Variants in THSD7B observed in about 807,000 individuals in gnomAD.
The protein encoded by THSD7B is thrombospondin type 1 domain containing 7B.
THSD7B carries 138 observed loss-of-function variants against 213.6 expected under a neutral mutation model. The observed-to-expected ratio is 0.65, with a 90% CI of 0.56 to 0.74. THSD7B has a LOEUF of 0.74. Ranked by LOEUF, THSD7B falls within the 30% of genes least tolerant of loss-of-function variation. The pLI is 0.00. For synonymous variants in THSD7B, 742 were observed against 687.0 expected (o/e 1.08, Z -1.25); for missense variants, 1,931 against 1,991.5 (o/e 0.97, Z 0.58).
chr2:137,292,085 C>A (rs1683351986), intron 12 of THSD7B, among the ~76,000 whole-genome samples: 1 of 152,038 alleles, frequency 6.6e-6, no homozygotes, highest in Non-Finnish European at 1.5e-5. Flanking sequence ...GCTTCTAGAA[C>A]CAGAAGGGAA....
chr2:137,583,731 G>A (rs1175788005), intron 17 of THSD7B, among the ~76,000 whole-genome samples: 4 of 152,100 alleles, frequency 2.6e-5, no homozygotes, highest in Non-Finnish European at 5.9e-5. Flanking sequence ...ATGCTGTTTT[G>A]GTTACTGTAG....
intron 21 of THSD7B, among the ~76,000 whole-genome samples, chr2:137,645,182 G>T (rs573302424): frequency 6.6e-6 from 1 of 152,274 alleles, no homozygotes; most frequent in East Asian, 1.9e-4. Context: ...GCAGGAAGTA[G>T]ATAAGTTAAA....
intron 5 of THSD7B, among the ~76,000 whole-genome samples, chr2:137,159,146 T>C (rs1679962671): frequency 6.6e-6 from 1 of 152,004 alleles, no homozygotes. Context: ...AAGAGTCTCC[T>C]GGCGGCCAGG....
At chr2:137,597,644 A>C in intron 17 of THSD7B, among the ~76,000 whole-genome samples, 1 of 152,116 alleles carries the variant, frequency 6.6e-6, no homozygotes, top group Non-Finnish European at 1.5e-5. Context: ...GGCATCTCCA[A>C]GAACAAAAGA....
At chr2:136,870,402 T>C (rs1040839748) in intron 1 of THSD7B, among the ~76,000 whole-genome samples, 1 of 152,218 alleles carries the variant, frequency 6.6e-6, no homozygotes, top group Non-Finnish European at 1.5e-5. Flanking sequence ...TGAATATCTG[T>C]TTCCCAGGCA....
At chr2:137,220,389 A>G (rs143161718) in intron 7 of THSD7B, among the ~76,000 whole-genome samples, 8 of 152,350 alleles carry the variant, frequency 5.3e-5, no homozygotes, top group African/African-American at 1.4e-4. Flanking sequence ...AAGACTCTTC[A>G]CCAAAGATAT....
At chr2:137,208,096 C>G (rs1681023527) in intron 7 of THSD7B, among the ~76,000 whole-genome samples, 1 of 152,034 alleles carries the variant, frequency 6.6e-6, no homozygotes, top group Non-Finnish European at 1.5e-5. Flanking sequence ...AAATTATCGC[C>G]AGACCAACTC....
At chr2:136,839,381 A>G (rs1682889234) in intron 1 of THSD7B, among the ~76,000 whole-genome samples, 2 of 152,202 alleles carry the variant, frequency 1.3e-5, no homozygotes, top group Non-Finnish European at 2.9e-5. Context: ...CATCCTCAAT[A>G]CACTATGGCT....
intron 12 of THSD7B, among the ~76,000 whole-genome samples, chr2:137,284,077 G>T (rs775313648): frequency 1.3e-5 from 2 of 152,136 alleles, no homozygotes; most frequent in East Asian, 1.9e-4. Context: ...CAATTTCAGA[G>T]CCTGTTATTG....
At chr2:136,864,236 A>G (rs555860472) in intron 1 of THSD7B, among the ~76,000 whole-genome samples, 16 of 152,322 alleles carry the variant, frequency 1.1e-4, no homozygotes, top group Non-Finnish European at 2.4e-4. Flanking sequence ...TGCTCAATAT[A>G]TGCTCCAAAT....
intron 1 of THSD7B, among the ~76,000 whole-genome samples, chr2:136,864,596 A>T (rs1683303830): frequency 6.6e-6 from 1 of 151,296 alleles, no homozygotes; most frequent in South Asian, 2.1e-4. Flanking sequence ...TCTGTTGCCC[A>T]GGCTGGAGTG....
At chr2:137,659,408 C>T (rs913743350) in intron 24 of THSD7B, among the ~76,000 whole-genome samples, 9 of 152,036 alleles carry the variant, frequency 5.9e-5, no homozygotes, top group Admixed American at 5.2e-4. Context: ...CAAGCATAGC[C>T]GTATGATAGA....
chr2:137,073,969 T>G (rs1416815415), intron 3 of THSD7B, among the ~76,000 whole-genome samples: 2 of 152,182 alleles, frequency 1.3e-5, no homozygotes, highest in East Asian at 3.8e-4. Context: ...ATAATTTCTG[T>G]TCTTTTACAT....
At chr2:137,159,493 A>G (rs780418871) in intron 5 of THSD7B, among the ~76,000 whole-genome samples, 1 of 151,942 alleles carries the variant, frequency 6.6e-6, no homozygotes, top group African/African-American at 2.4e-5. Context: ...AAAAAAAAGC[A>G]TCTGCATACA....
chr2:136,970,668 C>T lies in THSD7B; in HGVS notation c.140-85752C>T, dbSNP rs1413424495. 5.3e-5 allele frequency among the ~76,000 whole-genome samples: 8 copies of T among 152,134 alleles called. No individual in the cohort carries two copies. The East Asian group carries it at 1.5e-3, about 29-fold the overall frequency. On this transcript the variant is annotated intron_variant, in intron 2 of 27. Transcript: ENST00000409968. ...AAATATTCTCAGAATTGCCACACATCAGTAACTAGATTGAAAGATCCTGCC... is the reference window on the plus strand; with the variant it reads ...AAATATTCTCAGAATTGCCACACATTAGTAACTAGATTGAAAGATCCTGCC...
chr2:136,825,143 A>G (rs1682624636), intron 1 of THSD7B, among the ~76,000 whole-genome samples: 1 of 152,230 alleles, frequency 6.6e-6, no homozygotes, highest in African/African-American at 2.4e-5. Flanking sequence ...GTTTGCAACA[A>G]TTTAAGAGAA....
At chr2:136,960,241 C>T (rs958440914) in intron 2 of THSD7B, among the ~76,000 whole-genome samples, 1 of 152,170 alleles carries the variant, frequency 6.6e-6, no homozygotes. Flanking sequence ...GATCCCCGCA[C>T]CACAACCTCC....
At chr2:137,265,629 C>G (rs545771841) in intron 10 of THSD7B, among the ~76,000 whole-genome samples, 2 of 152,280 alleles carry the variant, frequency 1.3e-5, no homozygotes, top group African/African-American at 4.8e-5. Flanking sequence ...ATAAAAAGGT[C>G]CAGTGATCCT....
chr2:137,165,028 TA>T (rs528095376), intron 6 of THSD7B, among the ~76,000 whole-genome samples: 6 of 150,426 alleles, frequency 4.0e-5, no homozygotes, highest in East Asian at 3.9e-4. Context: ...TAAAGTATAA[TA>T]AAAAAAAAGA....
Sources: allele counts gnomAD v4.1 joint callset (sites outside exome capture counted in the v4.1 genomes callset), GRCh38; gene constraint gnomAD v4.1.1; transcripts MANE v1.5; gene names NCBI Gene and HGNC (gene_info 2026-07-23, HGNC 2026-07-21).